TRAF5: variants seen among roughly 807,000 people sequenced by gnomAD.
The protein encoded by TRAF5 is TNF receptor associated factor 5.
Under a neutral mutation model 64.5 loss-of-function variants are expected in TRAF5, and 48 were observed. That is an observed-to-expected ratio of 0.74 (90% CI 0.59 to 0.95). The LOEUF (loss-of-function observed/expected upper bound fraction) is 0.95, where lower values mean the gene tolerates loss of function less well. TRAF5 is among the 40% of genes least tolerant of loss of function. The probability of loss-of-function intolerance (pLI) is 0.00; values close to 1 mark genes in which losing one functional copy is unlikely to be tolerated. For synonymous variants in TRAF5, 206 were observed against 240.5 expected (o/e 0.86, Z 1.33); for missense variants, 545 against 662.8 (o/e 0.82, Z 1.95).
chr1:211,361,661 C>T (rs1330034650), intron 7 of TRAF5, among the ~76,000 whole-genome samples: 1 of 147,274 alleles, frequency 6.8e-6, no homozygotes, highest in Non-Finnish European at 1.5e-5. Context: ...CAGGTTGACA[C>T]ATAAAATTAA....
intron 7 of TRAF5, among the ~76,000 whole-genome samples, chr1:211,361,764 T>G (rs573570095): frequency 1.6e-4 from 22 of 140,678 alleles, no homozygotes; most frequent in Non-Finnish European, 2.9e-4. Context: ...TGGCATGATC[T>G]CGGCTCAATG....
Position 211,359,992 on chromosome 1 carries a change from G to A in TRAF5, c.459G>A (p.Leu153=). ...KCREPVLRKD[L]KEHLSASCQF... is the part of the protein sequence containing the mutation. The stretch of plus-strand genomic sequence containing the variant: ...GGGAGCCAGTCCTACGGAAAGACCT[G>A]AAAGAGCATTTGAGTGCATCCTGTC... The change falls in exon 5 of 11, where the codon CTG becomes CTA. Residue 153 remains leucine, a synonymous_variant. Transcript: ENST00000261464. The A allele has an allele frequency of 6.2e-7, 1 of 1,614,114 alleles. No individual in the cohort carries two copies. Among genetic ancestry groups the A allele is most frequent in the Non-Finnish European group, 8.5e-7 (1 of 1,179,966 alleles).
intron 6 of TRAF5, 148 bp from the exon 7 acceptor site, chr1:211,360,940 T>C (rs898526012): frequency 1.8e-5 from 18 of 988,566 alleles, no homozygotes; most frequent in Non-Finnish European, 2.6e-5. Flanking sequence ...CTGCGAACTC[T>C]CTTCAACTTT....
intron 1 of TRAF5, among the ~76,000 whole-genome samples, chr1:211,337,606 C>A (rs560191399): frequency 6.6e-6 from 1 of 152,242 alleles, no homozygotes; most frequent in South Asian, 2.1e-4. Context: ...GAGCAAGAGA[C>A]CAGCTAGGAG....
At chr1:211,354,620 G>A (rs1439403885) in intron 3 of TRAF5, among the ~76,000 whole-genome samples, 153 bp downstream of exon 3, 1 of 152,076 alleles carries the variant, frequency 6.6e-6, no homozygotes, top group South Asian at 2.1e-4. Flanking sequence ...GACCCTACTC[G>A]TAGCCCTGTT....
chr1:211,355,008 A>G (rs563073531), intron 3 of TRAF5, among the ~76,000 whole-genome samples: 3 of 152,090 alleles, frequency 2.0e-5, no homozygotes, highest in African/African-American at 7.2e-5. Flanking sequence ...CCCTGTCTCT[A>G]CTAAAAATAC....
intron 3 of TRAF5, among the ~76,000 whole-genome samples, chr1:211,355,802 T>G (rs1397252820): frequency 6.6e-6 from 1 of 152,258 alleles, no homozygotes; most frequent in Admixed American, 6.5e-5. Flanking sequence ...GAAGAAAGTT[T>G]GGTGACATGT....
intron 8 of TRAF5, among the ~76,000 whole-genome samples, chr1:211,367,586 A>G (rs1297080086): frequency 2.0e-5 from 3 of 152,226 alleles, no homozygotes; most frequent in South Asian, 2.1e-4. Flanking sequence ...GAGAGTATCA[A>G]GAGGCCTTCT....
intron 7 of TRAF5, among the ~76,000 whole-genome samples, chr1:211,362,952 A>G (rs1439801251): frequency 6.6e-6 from 1 of 152,236 alleles, no homozygotes; most frequent in East Asian, 1.9e-4. Context: ...AAAAATAGGC[A>G]AAGAAATATA....
rs771403888 is a variant in TRAF5, at chr1:211,372,110, T to G, written c.1100-18T>G. 1 of 1,521,204 alleles carries G rather than the reference T, an allele frequency of 6.6e-7. No individual in the cohort carries two copies. Among genetic ancestry groups the G allele is most frequent in the Non-Finnish European group, 8.8e-7 (1 of 1,137,628 alleles). 94.2% of individuals were successfully genotyped at this position (1,521,204 alleles called of 1,614,324 possible). A position where few individuals can be genotyped will look rare whatever the true frequency, so the allele number is the denominator to read the frequency against. On this transcript the variant is annotated intron_variant, in intron 10 of 10. Transcript: ENST00000261464. Reference sequence around the variant, plus strand: ...TTAGGCCTATGGAATCTTTTTTTTTTTTTTTTCTTATTTGCAGCCGTTTTA... The same window carrying G: ...TTAGGCCTATGGAATCTTTTTTTTTGTTTTTTCTTATTTGCAGCCGTTTTA...
At chr1:211,335,705 G>A (rs1702271614) in intron 1 of TRAF5, among the ~76,000 whole-genome samples, 1 of 152,106 alleles carries the variant, frequency 6.6e-6, no homozygotes, top group Admixed American at 6.5e-5. Flanking sequence ...TGGGGAGAGA[G>A]GAAAAGATGT....
chr1:211,351,927 A>G (rs1449333018), intron 1 of TRAF5, among the ~76,000 whole-genome samples: 13 of 152,060 alleles, frequency 8.5e-5, no homozygotes, highest in Admixed American at 8.5e-4. Context: ...TTCTCCTTCA[A>G]TATTGTGTTG....
rs1449456673 is a variant in TRAF5, at chr1:211,360,876, A to G, written c.621+97A>G. 6 of 1,206,296 alleles carry G rather than the reference A, an allele frequency of 5.0e-6. No homozygotes were observed. In the Admixed American group the frequency reaches 9.2e-5, roughly 19 times the overall value. The allele number at this position is 1,206,296 out of a possible 1,614,324, so 74.7% of individuals were successfully genotyped here. ...GATACAGTCCCAAAGATAAGGGCCCAGGGCTTAAATTACACGCATGACCAT... is the reference window on the plus strand; with the variant it reads ...GATACAGTCCCAAAGATAAGGGCCCGGGGCTTAAATTACACGCATGACCAT... On this transcript the variant is annotated intron_variant, in intron 6 of 10. Transcript: ENST00000261464.
rs775217575 is a variant in TRAF5, at chr1:211,372,473, T to C, written c.1445T>C (p.Val482Ala). 6.2e-7 allele frequency: 1 copy of C among 1,614,090 alleles called. No homozygotes were observed. Among genetic ancestry groups the C allele is most frequent in the South Asian group, 1.1e-5 (1 of 91,080 alleles). ...TTGCAGTGGCCATTCAGGCAGAGGG[T>C]GACCCTGATGCTTCTGGACCAGAGT... ...SLLQWPFRQR[V>A]TLMLLDQSGK... Residue 482 changes from valine (V) to alanine (A), a missense_variant, in exon 11 of 11, where the codon GTG (valine) becomes GCG (alanine). By Grantham distance (64) the Val-to-Ala change is moderately conservative. Transcript: ENST00000261464.
intron 7 of TRAF5, among the ~76,000 whole-genome samples, chr1:211,362,881 G>A (rs1473015955): frequency 2.0e-5 from 3 of 151,922 alleles, no homozygotes; most frequent in Non-Finnish European, 4.4e-5. Context: ...AAAAAGGGGG[G>A]GGCTATTTTC....
At chr1:211,335,129 TTATC>T (rs1232741372) in intron 1 of TRAF5, among the ~76,000 whole-genome samples, 2 of 152,176 alleles carry the variant, frequency 1.3e-5, no homozygotes, top group African/African-American at 4.8e-5. Context: ...AGCACCTCCT[TTATC>T]TAAGGCAGTG....
At chr1:211,366,783 C>T (rs755135444) in intron 8 of TRAF5, among the ~76,000 whole-genome samples, 16 of 152,130 alleles carry the variant, frequency 1.1e-4, no homozygotes, top group Non-Finnish European at 2.4e-4. Flanking sequence ...TGTGTTGGAT[C>T]CAGATTGCAG....
intron 4 of TRAF5, 41 bp downstream of exon 4, chr1:211,356,509 T>C (rs757892981): frequency 6.3e-7 from 1 of 1,575,058 alleles, no homozygotes; most frequent in South Asian, 1.1e-5. Context: ...TTGCCATTTT[T>C]CCAGGAATGT....
intron 10 of TRAF5, 26 bp downstream of exon 10, chr1:211,371,496 T>G: frequency 1.3e-6 from 2 of 1,596,614 alleles, no homozygotes; most frequent in Non-Finnish European, 1.7e-6. Context: ...TATTTCTCTT[T>G]TGGTGACTCA....
Sources: allele counts gnomAD v4.1 joint callset (sites outside exome capture counted in the v4.1 genomes callset), GRCh38; gene constraint gnomAD v4.1.1; transcripts MANE v1.5; gene names NCBI Gene and HGNC (gene_info 2026-07-23, HGNC 2026-07-21).